Variants in NMU observed in about 807,000 individuals in gnomAD.
NMU encodes neuromedin U.
A neutral mutation model predicts 35.4 loss-of-function variants in NMU; 29 were observed. That is an observed-to-expected ratio of 0.82 (90% confidence interval 0.61 to 1.12). The LOEUF (loss-of-function observed/expected upper bound fraction) is 1.12. NMU is among the 50% of genes most tolerant of loss of function. The pLI, the probability that NMU is intolerant of heterozygous loss-of-function variation, is 0.00. For missense variants in NMU, 199 were observed against 206.2 expected (o/e 0.97, Z 0.21); for synonymous variants, 78 against 81.3 (o/e 0.96, Z 0.22).
chr4:55,619,921 G>A (rs1480705439), intron 2 of NMU, among the ~76,000 whole-genome samples: 1 of 136,946 alleles, frequency 7.3e-6, no homozygotes, highest in African/African-American at 2.6e-5. Flanking sequence ...ACCTCACAAG[G>A]CAGGGTATTC....
At chr4:55,633,112 C>T (rs1403883736) in intron 1 of NMU, among the ~76,000 whole-genome samples, 4 of 151,886 alleles carry the variant, frequency 2.6e-5, no homozygotes, top group Non-Finnish European at 5.9e-5. Context: ...ATCACCAGGT[C>T]AGGAGATTGA....
chr4:55,609,960 G>A (rs1188822799), intron 3 of NMU, among the ~76,000 whole-genome samples: 1 of 152,180 alleles, frequency 6.6e-6, no homozygotes. Context: ...CTATGGAGTT[G>A]GGAAGCCTGT....
chr4:55,614,949 C>T (rs775683522), intron 3 of NMU, among the ~76,000 whole-genome samples: 6 of 152,098 alleles, frequency 3.9e-5, no homozygotes, highest in Non-Finnish European at 8.8e-5. Context: ...CTCAAATTTC[C>T]AGCAGGTACC....
intron 1 of NMU, among the ~76,000 whole-genome samples, chr4:55,633,829 CCTTAA>C (rs1280198131): frequency 1.3e-5 from 2 of 152,174 alleles, no homozygotes; most frequent in African/African-American, 2.4e-5. Context: ...AAAAGACACT[CCTTAA>C]CTTAGTCTTG....
chr4:55,604,025 A>ACACTTG (rs1733566269), intron 7 of NMU, among the ~76,000 whole-genome samples: 1 of 71,926 alleles, frequency 1.4e-5, no homozygotes, highest in African/African-American at 3.9e-5. Context: ...GTGTATATAT[A>ACACTTG]TAATCCTAGA....
At chr4:55,614,471 G>A (rs1427524817) in intron 3 of NMU, among the ~76,000 whole-genome samples, 2 of 152,090 alleles carry the variant, frequency 1.3e-5, no homozygotes, top group Non-Finnish European at 2.9e-5. Flanking sequence ...CTCTTCTCAA[G>A]CATGATTCCA....
intron 2 of NMU, 101 bp downstream of exon 2, chr4:55,630,301 G>T: frequency 2.1e-6 from 2 of 931,576 alleles, no homozygotes; most frequent in Non-Finnish European, 3.5e-6. Flanking sequence ...TTAGAGTGTT[G>T]GTAAAATCAT....
intron 2 of NMU, among the ~76,000 whole-genome samples, chr4:55,617,933 GTT>G (rs1489465858): frequency 6.6e-6 from 1 of 152,176 alleles, no homozygotes. Context: ...TAAAAACCCA[GTT>G]AGTCAAATTA....
rs374723614 is a variant in NMU, at chr4:55,604,070, C to CTT, written c.435+1203_435+1204dup. Among the ~76,000 whole-genome samples, 26 of 69,778 alleles carry CTT rather than the reference C, an allele frequency of 3.7e-4. 3 individuals carry two copies. The highest frequency in any genetic ancestry group is 8.4e-4 in the African/African-American group (15 of 17,894). The allele number at this position is 69,778 out of a possible 152,430, so 45.8% of individuals were successfully genotyped here. A position where few individuals can be genotyped will look rare whatever the true frequency, so the allele number is the denominator to read the frequency against. On this transcript the variant is annotated intron_variant, in intron 7 of 9. Coordinates refer to ENST00000264218, the MANE Select transcript of NMU (RefSeq NM_006681.4). ...TGTTACAAGGGTTAGGATTTTTTTT[C>CTT]TTTTTTTTTTTTCGAGACAGAGTCT... is the stretch of plus-strand genomic sequence containing the variant.
At chr4:55,635,382 C>T (rs1467982987) in intron 1 of NMU, among the ~76,000 whole-genome samples, 1 of 152,226 alleles carries the variant, frequency 6.6e-6, no homozygotes, top group East Asian at 1.9e-4. Context: ...CTATTGTTAT[C>T]AAATCACATC....
intron 6 of NMU, 33 bp from the exon 7 acceptor site, chr4:55,605,382 G>A: frequency 6.6e-7 from 1 of 1,507,120 alleles, no homozygotes; most frequent in Non-Finnish European, 9.2e-7. Flanking sequence ...GTGAATAAGT[G>A]CATGGCTTCT....
intron 7 of NMU, among the ~76,000 whole-genome samples, chr4:55,603,693 A>G (rs1733519112): frequency 6.6e-6 from 1 of 151,566 alleles, no homozygotes; most frequent in Non-Finnish European, 1.5e-5. Context: ...CAGGCGGATC[A>G]CGAGGTCAGG....
At chr4:55,632,141 T>C (rs1056917676) in intron 1 of NMU, among the ~76,000 whole-genome samples, 1 of 152,088 alleles carries the variant, frequency 6.6e-6, no homozygotes, top group African/African-American at 2.4e-5. Context: ...GTAATGGACT[T>C]TGGGGACTCG....
rs58664028 is a variant in NMU at position 55,618,758 on chromosome 4, TTC to T, written c.172-2375_172-2374del. Among the ~76,000 whole-genome samples, 99 of 148,836 alleles carry T rather than the reference TTC, an allele frequency of 6.7e-4. 1 individual carries two copies. Among genetic ancestry groups the T allele is most frequent in the African/African-American group, 2.0e-3 (82 of 40,614 alleles). ...TCTTTCTTTTTCTTCTCTTTCTTTC[TTC>T]TCTCTCTTTCTTCTCTTTCTTTCCC... On this transcript the variant is annotated intron_variant, in intron 2 of 9. Transcript: ENST00000264218.
chr4:55,629,251 G>T (rs1734664036), intron 2 of NMU, among the ~76,000 whole-genome samples: 1 of 151,928 alleles, frequency 6.6e-6, no homozygotes, highest in Non-Finnish European at 1.5e-5. Flanking sequence ...TTTAGTGCAG[G>T]TTTTAAACAA....
intron 7 of NMU, among the ~76,000 whole-genome samples, chr4:55,602,355 C>A (rs1332044567): frequency 6.6e-6 from 1 of 152,220 alleles, no homozygotes; most frequent in East Asian, 1.9e-4. Flanking sequence ...CACTCTCCTG[C>A]AATTGCATTT....
At position 55,636,241 on chromosome 4, in the gene NMU, G is replaced by T; in HGVS notation, c.-49C>A. The T allele has an allele frequency of 7.0e-7, 1 of 1,421,690 alleles. No individual in the cohort carries two copies. Among genetic ancestry groups the T allele is most frequent in the Non-Finnish European group, 9.1e-7 (1 of 1,097,748 alleles). The allele number at this position is 1,421,690 out of a possible 1,614,324, so 88.1% of individuals were successfully genotyped here. ...TGCTAGGGACGCTGCGCTGCGCCAC[G>T]CGTAGCTGGTGCTCCACCTGGTGCC... On this transcript the variant is annotated 5_prime_UTR_variant, in exon 1 of 10. Transcript: ENST00000264218. This position sits in a 1 kb window ranked among gnomAD's most constrained non-coding sequence, Gnocchi z 4.0.
intron 9 of NMU, among the ~76,000 whole-genome samples, chr4:55,596,811 TAG>T (rs566068669): frequency 4.6e-4 from 70 of 152,306 alleles, no homozygotes; most frequent in African/African-American, 1.6e-3. Flanking sequence ...AATAAGAAAT[TAG>T]AGAGTATCTT....
chr4:55,627,966 C>G (rs528006138), intron 2 of NMU, among the ~76,000 whole-genome samples: 1 of 152,168 alleles, frequency 6.6e-6, no homozygotes, highest in East Asian at 1.9e-4. Flanking sequence ...CAAGTTTATA[C>G]TTTATGGAAA....
Sources: gnomAD v4.1 joint callset for allele counts (sites outside exome capture counted in the v4.1 genomes callset) on GRCh38, gnomAD v4.1.1 for gene constraint, Gnocchi (gnomAD v3.1) non-coding constraint, MANE v1.5 for transcripts, NCBI Gene and HGNC (gene_info 2026-07-23, HGNC 2026-07-21) for gene names.